Variants in AMOTL1 observed in about 807,000 individuals in gnomAD.
AMOTL1 encodes angiomotin like 1, also known as angiomotin-like protein 1.
Under a neutral mutation model 102.9 loss-of-function variants are expected in AMOTL1, and 45 were observed. That is an observed-to-expected ratio of 0.44 (90% CI 0.34 to 0.56). The LOEUF is 0.56. AMOTL1 is among the 20% of genes least tolerant of loss of function. The pLI is 0.01. For missense variants in AMOTL1, 1,114 were observed against 1,225.6 expected (o/e 0.91, Z 1.36); for synonymous variants, 481 against 484.7 (o/e 0.99, Z 0.10).
In AMOTL1 at chr11:94,854,028, G is replaced by A. The variant is rs1236677905; in HGVS notation, c.1890G>A (p.Glu630=). 6 of 1,565,666 alleles carry A rather than the reference G, an allele frequency of 3.8e-6. No individual in the cohort carries two copies. The highest frequency in any genetic ancestry group is 4.3e-6 in the Non-Finnish European group (5 of 1,154,148). ...QSACEKREQM[E]RRLRTWLERE... Reference sequence around the variant, plus strand: ...CATGTGAGAAGCGAGAACAGATGGAGCGGAGACTGCGGACTTGGCTGGAGA... The same window carrying A: ...CATGTGAGAAGCGAGAACAGATGGAACGGAGACTGCGGACTTGGCTGGAGA... The change falls in exon 8 of 13, where the codon GAG becomes GAA. Residue 630 remains glutamate (E), a synonymous_variant. Coordinates refer to ENST00000433060, the MANE Select transcript of AMOTL1 (RefSeq NM_130847.3).
At chr11:94,712,841 A>C (rs530327695) in intron 1 of AMOTL1, among the ~76,000 whole-genome samples, 6 of 151,972 alleles carry the variant, frequency 3.9e-5, no homozygotes, top group African/African-American at 7.2e-5. Flanking sequence ...TAATTTTCAT[A>C]AAGTCCAGTT....
rs920063663 is a variant in AMOTL1 at position 94,871,287 on chromosome 11, G to A, written c.*492G>A. The A allele has an allele frequency of 6.6e-6, 1 of 152,424 alleles. No individual in the cohort carries two copies. Among genetic ancestry groups the A allele is most frequent in the African/African-American group, 2.4e-5 (1 of 41,466 alleles). 9.4% of individuals were successfully genotyped at this position (152,424 alleles called of 1,614,324 possible). A position where few individuals can be genotyped will look rare whatever the true frequency, so the allele number is the denominator to read the frequency against. ...ACCATGGGGTGTCCCGTGAGTGTGA[G>A]TGTGGCAGTGAGAAGAAGCATCGAG... On this transcript the variant is annotated 3_prime_UTR_variant, in exon 13 of 13. Coordinates refer to ENST00000433060, the MANE Select transcript of AMOTL1 (RefSeq NM_130847.3).
upstream of AMOTL1, among the ~76,000 whole-genome samples, chr11:94,766,613 C>T (rs560458808): frequency 2.4e-4 from 36 of 152,270 alleles, no homozygotes; most frequent in Non-Finnish European, 3.2e-4. Context: ...ATTAAATTCG[C>T]GCAAATGTTA....
intron 2 of AMOTL1, among the ~76,000 whole-genome samples, chr11:94,798,772 G>A (rs1951412784): frequency 6.6e-6 from 1 of 152,152 alleles, no homozygotes; most frequent in South Asian, 2.1e-4. Flanking sequence ...GGGTGACCTG[G>A]AGGCCGAATT....
In AMOTL1 at chr11:94,727,244, T is replaced by C. The variant is rs532199476; in HGVS notation, c.-50-1677T>C. Among the ~76,000 whole-genome samples the C allele has an allele frequency of 2.0e-5, 3 of 152,356 alleles. No homozygotes were observed. The South Asian group carries it at 6.2e-4, about 32-fold the overall frequency. The stretch of plus-strand genomic sequence containing the variant: ...TAATGAAGTGATTTTGAATTACCTG[T>C]TGTAAATAAGTGTTGCTTTTTAAGG... On this transcript the variant is annotated intron_variant, in intron 1 of 4. Transcript: ENST00000299004.
At chr11:94,858,805 T>C (rs1952716162) in intron 8 of AMOTL1, among the ~76,000 whole-genome samples, 1 of 152,156 alleles carries the variant, frequency 6.6e-6, no homozygotes, top group Non-Finnish European at 1.5e-5. Context: ...GTGTACCTAA[T>C]TAAAGGAAAA....
At chr11:94,836,683 A>G (rs35714866) in intron 6 of AMOTL1, among the ~76,000 whole-genome samples, 16,540 of 152,098 alleles carry the variant, frequency 0.11, 1,209 homozygotes, top group South Asian at 0.16. Context: ...TTAGGGTAAA[A>G]TTATTAAACT....
rs142992073 is a variant in AMOTL1, at chr11:94,714,204, T to G, written c.-51+7607T>G. The stretch of plus-strand genomic sequence containing the variant: ...ATTACATTGAATGATTTTCAAATAT[T>G]GAACCAGCCTTACATAGCTGAAATA... On this transcript the variant is annotated intron_variant, in intron 1 of 4. Transcript: ENST00000299004. Among the ~76,000 whole-genome samples, 9 of 152,202 alleles carry G rather than the reference T, an allele frequency of 5.9e-5. No homozygotes were observed. In the East Asian group the frequency reaches 1.7e-3, roughly 29 times the overall value.
intron 3 of AMOTL1, among the ~76,000 whole-genome samples, chr11:94,804,752 T>C (rs1591983322): frequency 6.6e-6 from 1 of 152,234 alleles, no homozygotes; most frequent in South Asian, 2.1e-4. Flanking sequence ...CAGCATAAAC[T>C]AAAATCTGTT....
chr11:94,731,582 T>C (rs1950353019), intron 2 of AMOTL1, among the ~76,000 whole-genome samples: 1 of 152,244 alleles, frequency 6.6e-6, no homozygotes, highest in African/African-American at 2.4e-5. Context: ...AAAAATATTT[T>C]AACCATTTAT....
In AMOTL1 at chr11:94,739,220, C is replaced by T. The variant is rs116722352; in HGVS notation, c.86-1718C>T. 5.7e-3 allele frequency among the ~76,000 whole-genome samples: 863 copies of T among 152,302 alleles called. 11 individuals carry two copies. The highest frequency in any genetic ancestry group is 0.02 in the African/African-American group (820 of 41,562). ...GGAGGCTGAGGATATATAGATTTTGCTAGCGATGAACCATGAGTTCCAGAG... is the reference window on the plus strand; with the variant it reads ...GGAGGCTGAGGATATATAGATTTTGTTAGCGATGAACCATGAGTTCCAGAG... On this transcript the variant is annotated intron_variant, in intron 2 of 4. Transcript: ENST00000299004.
rs1373698725 is a variant in AMOTL1, at chr11:94,728,978, T to G, written c.8T>G (p.Leu3Arg). The change falls in exon 2 of 5, where the codon CTC becomes CGC. Residue 3 changes from leucine to arginine, a missense_variant. By Grantham distance (102) the Leu-to-Arg change is moderately radical. Transcript: ENST00000299004. Reference sequence around the variant, plus strand: ...ATACAAGGGGCTAGAAGCATGGACCTCAGTGAAAAATGGACTTTGGAGGAA... The same window carrying G: ...ATACAAGGGGCTAGAAGCATGGACCGCAGTGAAAAATGGACTTTGGAGGAA... 3.1e-6 allele frequency: 4 copies of G among 1,288,970 alleles called. No individual in the cohort carries two copies. In the East Asian group the frequency reaches 2.2e-4, roughly 71 times the overall value. The allele number at this position is 1,288,970 out of a possible 1,614,324, so 79.8% of individuals were successfully genotyped here. A position where few individuals can be genotyped will look rare whatever the true frequency, so the allele number is the denominator to read the frequency against.
intron 1 of AMOTL1, chr11:94,728,832 T>C: frequency 1.8e-6 from 1 of 547,606 alleles, no homozygotes; most frequent in Non-Finnish European, 2.8e-6. Flanking sequence ...AGCTAGAAAC[T>C]GACCACTTTC....
chr11:94,870,548 G>A lies in AMOTL1; in HGVS notation c.2765-141G>A, dbSNP rs7123084. 1,338 of 576,444 alleles carry A rather than the reference G, an allele frequency of 2.3e-3. 19 individuals are homozygous for A. Among genetic ancestry groups the A allele is most frequent in the African/African-American group, 0.023 (1,220 of 53,962 alleles). 35.7% of individuals were successfully genotyped at this position (576,444 alleles called of 1,614,324 possible). On this transcript the variant is annotated intron_variant, in intron 12 of 12. Coordinates refer to ENST00000433060, the MANE Select transcript of AMOTL1 (RefSeq NM_130847.3). ...CCCAGTCATTCTGCATGTTCCCACT[G>A]TGGGCTGGATCATCTCACATGCCCT... is the stretch of plus-strand genomic sequence containing the variant.
At chr11:94,855,839 T>C (rs1434487519) in intron 8 of AMOTL1, among the ~76,000 whole-genome samples, 11 of 152,210 alleles carry the variant, frequency 7.2e-5, no homozygotes, top group Non-Finnish European at 1.6e-4. Flanking sequence ...ACATTCCTGC[T>C]GTGCATGAAG....
intron 6 of AMOTL1, among the ~76,000 whole-genome samples, chr11:94,835,153 A>G (rs1952151835): frequency 6.6e-6 from 1 of 152,170 alleles, no homozygotes; most frequent in Non-Finnish European, 1.5e-5. Flanking sequence ...TTTGTCTGTG[A>G]ATTCTCTGGT....
intron 1 of AMOTL1, among the ~76,000 whole-genome samples, chr11:94,707,256 G>C (rs1482662332): frequency 1.4e-5 from 2 of 138,822 alleles, no homozygotes; most frequent in African/African-American, 5.1e-5. Context: ...CTCTCTGTGT[G>C]TGTGTGTGTG....
intron 3 of AMOTL1, among the ~76,000 whole-genome samples, chr11:94,801,315 C>G (rs765887876): frequency 1.1e-4 from 16 of 152,050 alleles, no homozygotes; most frequent in Admixed American, 4.6e-4. Context: ...ATGCAGAGCA[C>G]TGGTGGGCAA....
Position 94,869,468 on chromosome 11 carries a change from A to G in AMOTL1, c.2759A>G (p.Lys920Arg), listed in dbSNP as rs544814188. Reference protein sequence around the residue: ...KHPAAKGTAEKLENSPGHGKS... With the variant: ...KHPAAKGTAERLENSPGHGKS... ...CCAGCGGCCAAAGGGACCGCAGAGAAACTGGGTATGTGGGCTACCCCACCT... is the reference window on the plus strand; with the variant it reads ...CCAGCGGCCAAAGGGACCGCAGAGAGACTGGGTATGTGGGCTACCCCACCT... The change falls in exon 12 of 13, where the codon AAA becomes AGA. Residue 920 changes from lysine to arginine, a missense_variant. Transcript: ENST00000433060. The G allele has an allele frequency of 6.3e-7, 1 of 1,596,692 alleles. No individual in the cohort carries two copies. The highest frequency in any genetic ancestry group is 1.3e-5 in the African/African-American group (1 of 74,650).
Sources: gnomAD v4.1 joint callset for allele counts (sites outside exome capture counted in the v4.1 genomes callset) on GRCh38, gnomAD v4.1.1 for gene constraint, MANE v1.5 for transcripts, NCBI Gene and HGNC (gene_info 2026-07-23, HGNC 2026-07-21) for gene names.